SMYD3: variants seen among roughly 807,000 people sequenced by gnomAD.
SMYD3 encodes the protein histone-lysine N-methyltransferase SMYD3.
A neutral mutation model predicts 57.7 loss-of-function variants in SMYD3; 36 were observed. The observed-to-expected ratio is 0.62, with a 90% CI of 0.48 to 0.82. The LOEUF (loss-of-function observed/expected upper bound fraction) is 0.82, where lower values mean the gene tolerates loss of function less well. Ranked by LOEUF, SMYD3 falls within the 40% of genes least tolerant of loss-of-function variation. The pLI, the probability that SMYD3 is intolerant of heterozygous loss-of-function variation, is 0.00. For missense variants in SMYD3, 515 were observed against 538.8 expected (o/e 0.96, Z 0.44); for synonymous variants, 211 against 195.0 (o/e 1.08, Z -0.68).
chr1:246,256,536 T>A (rs1400081181), intron 5 of SMYD3, among the ~76,000 whole-genome samples: 1 of 151,144 alleles, frequency 6.6e-6, no homozygotes, highest in African/African-American at 2.4e-5. Flanking sequence ...ATGTCACTTT[T>A]GTCACTTCTA....
intron 5 of SMYD3, among the ~76,000 whole-genome samples, chr1:246,077,194 G>T (rs1373338776): frequency 1.3e-5 from 2 of 152,208 alleles, no homozygotes; most frequent in African/African-American, 2.4e-5. Flanking sequence ...CCAAGCTAAA[G>T]GTCTTGAGCC....
intron 1 of SMYD3, among the ~76,000 whole-genome samples, chr1:246,430,823 C>T (rs1368785500): frequency 2.0e-5 from 3 of 151,896 alleles, no homozygotes; most frequent in Non-Finnish European, 2.9e-5. Flanking sequence ...ACCTGAGGAA[C>T]GTCAACATTA....
At chr1:246,031,061 C>T (rs754862575) in intron 5 of SMYD3, among the ~76,000 whole-genome samples, 5 of 152,048 alleles carry the variant, frequency 3.3e-5, no homozygotes, top group Non-Finnish European at 7.4e-5. Flanking sequence ...TATTCCCAGA[C>T]AAACTTAGTA....
intron 1 of SMYD3, among the ~76,000 whole-genome samples, chr1:246,378,268 G>A (rs903360461): frequency 1.2e-4 from 19 of 152,226 alleles, no homozygotes; most frequent in Non-Finnish European, 1.0e-4. Flanking sequence ...CCACTGTGAT[G>A]GTTGATACTG....
chr1:246,104,348 T>C (rs978946929), intron 5 of SMYD3, among the ~76,000 whole-genome samples: 2 of 152,248 alleles, frequency 1.3e-5, no homozygotes, highest in Non-Finnish European at 2.9e-5. Flanking sequence ...ACATCCCTGG[T>C]ATACAAAGAC....
At chr1:245,890,800 G>T (rs1355125642) in intron 8 of SMYD3, among the ~76,000 whole-genome samples, 1 of 152,176 alleles carries the variant, frequency 6.6e-6, no homozygotes, top group African/African-American at 2.4e-5. Flanking sequence ...ATTCACAATA[G>T]CTAAGCTTTG....
rs374495786 is a variant in SMYD3 at position 246,474,451 on chromosome 1, A to G, written c.164+32603T>C. On this transcript the variant is annotated intron_variant, in intron 1 of 11. Transcript: ENST00000490107. ...GGAGAATCGCTTGAACCCGGGAGGC[A>G]GAAGTTGCAGTGGGCCAAGATTGAG... is the stretch of plus-strand genomic sequence containing the variant. Among the ~76,000 whole-genome samples, 11 of 148,744 alleles carry G rather than the reference A, an allele frequency of 7.4e-5. No homozygotes were observed. In the East Asian group the frequency reaches 2.0e-3, roughly 27 times the overall value.
At chr1:246,438,839 A>G (rs1220734262) in intron 1 of SMYD3, among the ~76,000 whole-genome samples, 1 of 151,308 alleles carries the variant, frequency 6.6e-6, no homozygotes, top group African/African-American at 2.4e-5. Context: ...TGTGCAACCT[A>G]GATCCCTCAC....
intron 5 of SMYD3, among the ~76,000 whole-genome samples, chr1:246,098,340 G>A (rs2060950645): frequency 6.6e-6 from 1 of 152,148 alleles, no homozygotes; most frequent in African/African-American, 2.4e-5. Flanking sequence ...AATGACATGA[G>A]TTTCCTGGTG....
chr1:246,088,600 A>T (rs1167202635), intron 5 of SMYD3, among the ~76,000 whole-genome samples: 1 of 58,746 alleles, frequency 1.7e-5, no homozygotes, highest in African/African-American at 8.0e-5. Flanking sequence ...ACAGGGCGAG[A>T]CTCCGTCTCA....
At chr1:246,229,309 A>G (rs1368932719) in intron 5 of SMYD3, among the ~76,000 whole-genome samples, 1 of 152,228 alleles carries the variant, frequency 6.6e-6, no homozygotes, top group African/African-American at 2.4e-5. Context: ...TTTAAAAAAA[A>G]GGGATTAGTG....
intron 5 of SMYD3, among the ~76,000 whole-genome samples, chr1:246,115,881 G>T (rs1467966399): frequency 1.3e-5 from 2 of 152,184 alleles, no homozygotes; most frequent in African/African-American, 4.8e-5. Flanking sequence ...GCTCACACCT[G>T]TAATCCCAGC....
chr1:245,965,752 A>G (rs2058128030), intron 5 of SMYD3, among the ~76,000 whole-genome samples: 1 of 152,200 alleles, frequency 6.6e-6, no homozygotes, highest in African/African-American at 2.4e-5. Flanking sequence ...GAACAGGTGG[A>G]ACATGAAAGA....
intron 5 of SMYD3, among the ~76,000 whole-genome samples, chr1:246,105,412 T>C (rs1389990549): frequency 6.6e-6 from 1 of 152,186 alleles, no homozygotes; most frequent in African/African-American, 2.4e-5. Context: ...ATCAATGTTA[T>C]TGTACAGACT....
chr1:246,362,661 C>T (rs2066014233), intron 1 of SMYD3, among the ~76,000 whole-genome samples: 1 of 152,258 alleles, frequency 6.6e-6, no homozygotes, highest in Non-Finnish European at 1.5e-5. Context: ...CGGGGTTTCG[C>T]TGTGTTGGCC....
At chr1:246,132,564 C>G (rs995868647) in intron 5 of SMYD3, among the ~76,000 whole-genome samples, 2 of 152,056 alleles carry the variant, frequency 1.3e-5, no homozygotes, top group African/African-American at 2.4e-5. Flanking sequence ...GTCTTCATGG[C>G]ATTGGCTTGA....
At chr1:246,226,846 A>G (rs2063337445) in intron 5 of SMYD3, among the ~76,000 whole-genome samples, 1 of 152,250 alleles carries the variant, frequency 6.6e-6, no homozygotes, top group African/African-American at 2.4e-5. Flanking sequence ...AGATATTAAA[A>G]CCAAAAGTGT....
chr1:246,417,723 C>G (rs1367241069), intron 1 of SMYD3, among the ~76,000 whole-genome samples: 1 of 152,206 alleles, frequency 6.6e-6, no homozygotes, highest in Non-Finnish European at 1.5e-5. Flanking sequence ...AGCTAGGGAA[C>G]AATGGCTGGT....
rs532941606 is a variant in SMYD3 at position 246,218,577 on chromosome 1, C to T, written c.531+108624G>A. On this transcript the variant is annotated intron_variant, in intron 5 of 11. Coordinates refer to ENST00000490107, the MANE Select transcript of SMYD3 (RefSeq NM_001167740.2). ...CGGAGCTTGCAGTAAACCGAGATGGCGCCACTGCACTCCAGCCTGGGTGAC... is the reference window on the plus strand; with the variant it reads ...CGGAGCTTGCAGTAAACCGAGATGGTGCCACTGCACTCCAGCCTGGGTGAC... Among the ~76,000 whole-genome samples, 358 of 150,868 alleles carry T rather than the reference C, an allele frequency of 2.4e-3. 1 individual carries two copies. Among genetic ancestry groups the T allele is most frequent in the Non-Finnish European group, 4.2e-3 (287 of 67,858 alleles).
Sources: allele counts gnomAD v4.1 joint callset (sites outside exome capture counted in the v4.1 genomes callset), GRCh38; gene constraint gnomAD v4.1.1; transcripts MANE v1.5; gene names NCBI Gene and HGNC (gene_info 2026-07-23, HGNC 2026-07-21).